Variants in SFXN4 observed in about 807,000 individuals in gnomAD.
SFXN4 encodes the protein sideroflexin 4, also known as sideroflexin-4.
SFXN4 carries 48 observed loss-of-function variants against 54.6 expected under a neutral mutation model. That is an observed-to-expected ratio of 0.88 (90% CI 0.70 to 1.12). SFXN4 has a LOEUF of 1.12. Among genes scored for constraint, SFXN4 ranks in the 50% most tolerant of loss-of-function variants. The pLI is 0.00. For synonymous variants in SFXN4, 130 were observed against 145.5 expected (o/e 0.89, Z 0.77); for missense variants, 383 against 409.2 (o/e 0.94, Z 0.55).
At chr10:119,142,846 C>T (rs1242873599) in intron 13 of SFXN4, among the ~76,000 whole-genome samples, 1 of 151,826 alleles carries the variant, frequency 6.6e-6, no homozygotes, top group East Asian at 1.9e-4. Flanking sequence ...ATTCTCCTGC[C>T]TCAGCCTCTC....
rs757122691 is a variant in SFXN4, at chr10:119,145,815, G to A, written c.936+421C>T. On this transcript the variant is annotated intron_variant, in intron 13 of 13. Transcript: ENST00000355697. ...CCCCCAGGTTGTTCAAAAGCCAATT[G>A]TATTTTGTTTTATTATTTTATTTTT... Among the ~76,000 whole-genome samples, 21 of 152,060 alleles carry A rather than the reference G, an allele frequency of 1.4e-4. 1 individual carries two copies. The highest frequency in any genetic ancestry group is 2.4e-4 in the Non-Finnish European group (16 of 68,008).
chr10:119,157,965 A>G (rs2133612055), intron 7 of SFXN4, 38 bp from the exon 8 acceptor site: 1 of 1,614,168 alleles, frequency 6.2e-7, no homozygotes, highest in Non-Finnish European at 8.5e-7. Flanking sequence ...TTTCGTTTCA[A>G]GCATAACAGA....
intron 5 of SFXN4, among the ~76,000 whole-genome samples, chr10:119,160,312 C>T (rs1488872517): frequency 6.6e-6 from 1 of 152,008 alleles, no homozygotes; most frequent in Non-Finnish European, 1.5e-5. Flanking sequence ...TCGAGACCAG[C>T]CTGGCCAACA....
intron 3 of SFXN4, 82 bp from the exon 4 acceptor site, chr10:119,161,163 G>C (rs914469940): frequency 1.3e-5 from 18 of 1,373,626 alleles, no homozygotes; most frequent in Non-Finnish European, 1.8e-5. Context: ...CCCAGGGCTG[G>C]GGTATAGTGG....
chr10:119,146,180 T>C, intron 13 of SFXN4, 56 bp downstream of exon 13: 1 of 964,934 alleles, frequency 1.0e-6, no homozygotes, highest in Non-Finnish European at 1.6e-6. Context: ...ACTTATTTTA[T>C]TCTTCTAACT....
chr10:119,156,533 G>C (rs1337475595), intron 10 of SFXN4, 145 bp downstream of exon 10: 3 of 676,660 alleles, frequency 4.4e-6, no homozygotes, highest in South Asian at 3.4e-5. Flanking sequence ...ACCTGATTTG[G>C]GCTTGGGGGC....
intron 11 of SFXN4, among the ~76,000 whole-genome samples, chr10:119,149,479 G>T (rs1270937700): frequency 1.3e-5 from 2 of 152,206 alleles, no homozygotes; most frequent in Non-Finnish European, 2.9e-5. Flanking sequence ...GCCGGGCACG[G>T]TGGCTCATGC....
intron 11 of SFXN4, among the ~76,000 whole-genome samples, chr10:119,151,364 G>T: frequency 8.2e-6 from 1 of 121,596 alleles, no homozygotes; most frequent in Non-Finnish European, 1.6e-5. Flanking sequence ...GTGAGACTCT[G>T]ACTCAAAACA....
rs1254259430 is a variant in SFXN4 at position 119,156,844 on chromosome 10, G to A, written c.538-88C>T. ...CTAGCAGAGAGGTCGCCCTGACCTA[G>A]TTCCTATTACAAGTCAGACCACTGC... is the stretch of plus-strand genomic sequence containing the variant. On this transcript the variant is annotated intron_variant, in intron 9 of 13. Coordinates refer to ENST00000355697, the MANE Select transcript of SFXN4 (RefSeq NM_213649.2). 5 of 935,624 alleles carry A rather than the reference G, an allele frequency of 5.3e-6. No individual in the cohort carries two copies. In the East Asian group the frequency reaches 1.1e-4, roughly 20 times the overall value. 58.0% of individuals were successfully genotyped at this position (935,624 alleles called of 1,614,324 possible).
Position 119,157,778 on chromosome 10 carries a change from A to C in SFXN4, c.472-45T>G, listed in dbSNP as rs1411629472. On this transcript the variant is annotated intron_variant, in intron 8 of 13. Transcript: ENST00000355697. ...CTTAATTAGCAAATATCACAGTTTTATCCAGCAAAGATAATTTAAAAACAA... is the reference window on the plus strand; with the variant it reads ...CTTAATTAGCAAATATCACAGTTTTCTCCAGCAAAGATAATTTAAAAACAA... 13 of 1,604,916 alleles carry C rather than the reference A, an allele frequency of 8.1e-6. 1 individual carries two copies. In the African/African-American group the frequency reaches 1.3e-4, roughly 17 times the overall value.
In SFXN4 at chr10:119,158,074, A is replaced by G. The variant is rs1336570271; in HGVS notation, c.361-12T>C. ...ATTGACAAAAATACCTTTTAAGAAG[A>G]CAGTGGAACAGAGTTACAAGTGTTG... is the stretch of plus-strand genomic sequence containing the variant. On this transcript the variant is annotated splice_polypyrimidine_tract_variant and intron_variant, in intron 6 of 13. Coordinates refer to ENST00000355697, the MANE Select transcript of SFXN4 (RefSeq NM_213649.2). 1.9e-6 allele frequency: 3 copies of G among 1,613,188 alleles called. No homozygotes were observed. Among genetic ancestry groups the G allele is most frequent in the South Asian group, 1.1e-5 (1 of 91,068 alleles).
chr10:119,149,801 T>A (rs12412962), intron 11 of SFXN4, among the ~76,000 whole-genome samples: 44,841 of 152,200 alleles, frequency 0.29, 7,371 homozygotes, highest in South Asian at 0.4. Flanking sequence ...GTAAAATTGC[T>A]TGACTTCCGG....
At chr10:119,153,196 A>T (rs1240641302) in intron 11 of SFXN4, among the ~76,000 whole-genome samples, 1 of 152,020 alleles carries the variant, frequency 6.6e-6, no homozygotes, top group Non-Finnish European at 1.5e-5. Flanking sequence ...AGATCACTTG[A>T]GCTCAGGAGT....
intron 2 of SFXN4, among the ~76,000 whole-genome samples, chr10:119,162,781 T>G (rs1169443903): frequency 1.3e-5 from 2 of 151,958 alleles, no homozygotes; most frequent in Non-Finnish European, 2.9e-5. Context: ...ATTTCCTCTC[T>G]TTTTCTTTCT....
At chr10:119,146,099 T>G in intron 13 of SFXN4, 137 bp downstream of exon 13, 1 of 541,716 alleles carries the variant, frequency 1.8e-6, no homozygotes, top group Non-Finnish European at 3.3e-6. Context: ...GTGCTGGGAT[T>G]ACAGGTGTGA....
At chr10:119,150,226 T>C (rs1847006256) in intron 11 of SFXN4, among the ~76,000 whole-genome samples, 1 of 152,092 alleles carries the variant, frequency 6.6e-6, no homozygotes, top group African/African-American at 2.4e-5. Context: ...AAGTTTCTTC[T>C]GGTGAGATGG....
chr10:119,141,672 A>G (rs946050558), intron 13 of SFXN4, among the ~76,000 whole-genome samples: 8 of 151,918 alleles, frequency 5.3e-5, no homozygotes, highest in Non-Finnish European at 1.2e-4. Flanking sequence ...GCGCACCACC[A>G]TCCTTGGCCC....
chr10:119,155,193 A>C lies in SFXN4; in HGVS notation c.617-16T>G, dbSNP rs1374901848. The C allele has an allele frequency of 4.5e-6, 7 of 1,556,050 alleles. No individual in the cohort carries two copies. The highest frequency in any genetic ancestry group is 6.2e-6 in the Non-Finnish European group (7 of 1,127,484). On this transcript the variant is annotated splice_polypyrimidine_tract_variant and intron_variant, in intron 10 of 13. Transcript: ENST00000355697. ...CTGGCTTGCACTGTAGATGTAAAGAAGTAAAGAACACCCAAGACGGGGGTG... is the reference window on the plus strand; with the variant it reads ...CTGGCTTGCACTGTAGATGTAAAGACGTAAAGAACACCCAAGACGGGGGTG...
rs534642958 is a variant in SFXN4, at chr10:119,158,024, G to A, written c.399C>T (p.Ser133=). The A allele has an allele frequency of 1.6e-5, 26 of 1,614,116 alleles. 1 individual carries two copies. Among genetic ancestry groups the A allele is most frequent in the Middle Eastern group, 1.6e-4 (1 of 6,062 alleles). ...GAATGGCTACCTGAGGTAAAATCAC[G>A]GACTTGATCCCTTTCAGTGGCGTCA... ...LSMTPLKGIK[S]VILPQVFLCA... is the part of the protein sequence containing the mutation. Residue 133 remains serine (S), a synonymous_variant, in exon 7 of 14, where the codon TCC becomes TCT. Transcript: ENST00000355697.
Sources: gnomAD v4.1 joint callset for allele counts (sites outside exome capture counted in the v4.1 genomes callset) on GRCh38, gnomAD v4.1.1 for gene constraint, MANE v1.5 for transcripts, NCBI Gene and HGNC (gene_info 2026-07-23, HGNC 2026-07-21) for gene names.